Variants in PLCL1 observed in about 807,000 individuals in gnomAD.
The protein encoded by PLCL1 is inactive phospholipase C-like protein 1.
A neutral mutation model predicts 84.4 loss-of-function variants in PLCL1; 41 were observed. The observed-to-expected ratio is 0.49, with a 90% CI of 0.38 to 0.63. The LOEUF (loss-of-function observed/expected upper bound fraction) is 0.63, where lower values mean the gene tolerates loss of function less well. PLCL1 is among the 30% of genes least tolerant of loss of function. The pLI is 0.00. For synonymous variants in PLCL1, 490 were observed against 488.3 expected (o/e 1.00, Z -0.05); for missense variants, 1,206 against 1,367.8 (o/e 0.88, Z 1.87).
At chr2:197,887,354 C>T (rs1335289206) in intron 1 of PLCL1, among the ~76,000 whole-genome samples, 1 of 152,110 alleles carries the variant, frequency 6.6e-6, no homozygotes, top group Admixed American at 6.5e-5. Flanking sequence ...ATAGCTGATG[C>T]TCTTAGGAAC....
At chr2:198,090,911 A>C (rs566053836) in intron 3 of PLCL1, among the ~76,000 whole-genome samples, 73 of 152,218 alleles carry the variant, frequency 4.8e-4, no homozygotes, top group Non-Finnish European at 7.8e-4. Flanking sequence ...CGAGTGTCTG[A>C]CAGTGTCTTA....
chr2:198,136,794 A>G (rs1694266627), intron 5 of PLCL1, among the ~76,000 whole-genome samples: 1 of 152,178 alleles, frequency 6.6e-6, no homozygotes, highest in Non-Finnish European at 1.5e-5. Context: ...GATCTGAGCC[A>G]TCAGGGCTTA....
chr2:197,815,178 C>G (rs1690663196), intron 1 of PLCL1, among the ~76,000 whole-genome samples: 1 of 152,202 alleles, frequency 6.6e-6, no homozygotes, highest in African/African-American at 2.4e-5. Flanking sequence ...CAGGCTAACT[C>G]TCTTGCCTGG....
intron 1 of PLCL1, among the ~76,000 whole-genome samples, chr2:197,834,804 T>G (rs1368936680): frequency 6.6e-6 from 1 of 152,230 alleles, no homozygotes; most frequent in African/African-American, 2.4e-5. Context: ...ACTGGGTATA[T>G]ACCCAAAGGA....
rs144995403 is a variant in PLCL1 at position 197,900,609 on chromosome 2, G to C, written c.240+95270G>C. 5.5e-3 allele frequency among the ~76,000 whole-genome samples: 844 copies of C among 152,290 alleles called. 6 individuals are homozygous for C. Among genetic ancestry groups the C allele is most frequent in the African/African-American group, 0.019 (809 of 41,562 alleles). On this transcript the variant is annotated intron_variant, in intron 1 of 5. Coordinates refer to ENST00000428675, the MANE Select transcript of PLCL1 (RefSeq NM_006226.4). ...ACTTAGCCCTAGTACAAAATCCCTG[G>C]AGAATCTGGGCAAAATAAATTGAAC... is the stretch of plus-strand genomic sequence containing the variant.
At chr2:197,833,675 C>A (rs1323395755) in intron 1 of PLCL1, among the ~76,000 whole-genome samples, 1 of 152,134 alleles carries the variant, frequency 6.6e-6, no homozygotes, top group East Asian at 1.9e-4. Context: ...AGGACACAAA[C>A]AAGTGGAAAA....
chr2:197,886,577 G>C (rs980270555), intron 1 of PLCL1, among the ~76,000 whole-genome samples: 1 of 151,884 alleles, frequency 6.6e-6, no homozygotes, highest in Non-Finnish European at 1.5e-5. Flanking sequence ...CAGATTGTCA[G>C]TTTATTTGAA....
chr2:198,046,697 G>T (rs1027838375), intron 1 of PLCL1, among the ~76,000 whole-genome samples: 1 of 152,014 alleles, frequency 6.6e-6, no homozygotes. Context: ...AAATTAGCCC[G>T]GTATGGTGGT....
chr2:197,982,665 A>G (rs1047943841), intron 1 of PLCL1, among the ~76,000 whole-genome samples: 2 of 152,194 alleles, frequency 1.3e-5, no homozygotes, highest in African/African-American at 4.8e-5. Flanking sequence ...ATATCACTTC[A>G]CATTTTAAGT....
chr2:197,901,135 G>C (rs1421365578), intron 1 of PLCL1, among the ~76,000 whole-genome samples: 1 of 152,170 alleles, frequency 6.6e-6, no homozygotes, highest in Non-Finnish European at 1.5e-5. Context: ...CCCCTTTCAT[G>C]ATAAGGGCTA....
intron 1 of PLCL1, among the ~76,000 whole-genome samples, chr2:197,999,934 T>C (rs1209043214): frequency 1.3e-5 from 2 of 152,216 alleles, no homozygotes; most frequent in Non-Finnish European, 2.9e-5. Context: ...CAGTCACACA[T>C]AGCTGAAAAA....
intron 1 of PLCL1, among the ~76,000 whole-genome samples, chr2:197,995,873 TTC>T (rs995580063): frequency 3.9e-5 from 6 of 152,140 alleles, no homozygotes; most frequent in Non-Finnish European, 5.9e-5. Flanking sequence ...AGCAAGAACT[TTC>T]TGTCTTAGTG....
chr2:198,100,531 C>T (rs879690500), intron 3 of PLCL1, among the ~76,000 whole-genome samples: 5 of 151,976 alleles, frequency 3.3e-5, no homozygotes, highest in Admixed American at 2.6e-4. Flanking sequence ...TTTAGAGAAG[C>T]GTGATTCATC....
intron 1 of PLCL1, among the ~76,000 whole-genome samples, chr2:198,053,739 A>G (rs536830553): frequency 6.6e-6 from 1 of 152,340 alleles, no homozygotes; most frequent in South Asian, 2.1e-4. Flanking sequence ...GAGACCTGCC[A>G]AAGGAGAAAG....
chr2:197,883,268 C>G (rs1037945879), intron 1 of PLCL1, among the ~76,000 whole-genome samples: 1 of 152,088 alleles, frequency 6.6e-6, no homozygotes, highest in South Asian at 2.1e-4. Flanking sequence ...AAGTTTAAAC[C>G]TATTGTCAGC....
At chr2:197,854,322 A>G (rs1166837538) in intron 1 of PLCL1, among the ~76,000 whole-genome samples, 2 of 152,222 alleles carry the variant, frequency 1.3e-5, no homozygotes, top group Non-Finnish European at 2.9e-5. Context: ...CAATTCAAAC[A>G]TAAATCTAAA....
intron 1 of PLCL1, among the ~76,000 whole-genome samples, chr2:198,031,519 C>T (rs1415105829): frequency 6.6e-6 from 1 of 152,080 alleles, no homozygotes; most frequent in South Asian, 2.1e-4. Context: ...GAGACAGGGT[C>T]TCCTTCTGCC....
At chr2:197,830,009 A>G (rs933799033) in intron 1 of PLCL1, among the ~76,000 whole-genome samples, 1 of 152,194 alleles carries the variant, frequency 6.6e-6, no homozygotes, top group African/African-American at 2.4e-5. Context: ...TCTTAAATAT[A>G]AAGATGAAAA....
intron 1 of PLCL1, among the ~76,000 whole-genome samples, chr2:197,832,219 G>C (rs1691082254): frequency 6.6e-6 from 1 of 152,002 alleles, no homozygotes; most frequent in Non-Finnish European, 1.5e-5. Flanking sequence ...TCCAAGAACT[G>C]TTTTTTTGAA....
Sources: gnomAD v4.1 joint callset for allele counts (sites outside exome capture counted in the v4.1 genomes callset) on GRCh38, gnomAD v4.1.1 for gene constraint, MANE v1.5 for transcripts, NCBI Gene and HGNC (gene_info 2026-07-23, HGNC 2026-07-21) for gene names.